The following MGST1 variants were observed in gnomAD, a reference collection of about 807,000 sequenced individuals.
MGST1 encodes microsomal glutathione S-transferase 1.
A neutral mutation model predicts 8.9 loss-of-function variants in MGST1; 5 were observed. The ratio of observed to expected loss-of-function variants is 0.56; its 90% CI spans 0.29 to 1.19. MGST1 has a LOEUF of 1.19. MGST1 is among the 50% of genes most tolerant of loss of function. The probability of loss-of-function intolerance (pLI) is 0.08; values close to 1 mark genes in which losing one functional copy is unlikely to be tolerated. For synonymous variants in MGST1, 54 were observed against 67.8 expected (o/e 0.80, Z 1.00); for missense variants, 182 against 187.4 (o/e 0.97, Z 0.17).
rs1008368700 is a variant in MGST1, at chr12:16,424,774, C to T, written n.779-12614C>T. Among the ~76,000 whole-genome samples, 5 of 152,162 alleles carry T rather than the reference C, an allele frequency of 3.3e-5. No homozygotes were observed. In the East Asian group the frequency reaches 5.8e-4, roughly 18 times the overall value. On this transcript the variant is annotated intron_variant and non_coding_transcript_variant, in intron 1 of 1. Transcript: ENST00000359720. The stretch of plus-strand genomic sequence containing the variant: ...CATTTAAACTGTCACCTTGTCATTT[C>T]CCCACCATCATTAAAATGAGAGTCA...
At chr12:16,532,271 A>C (rs1487305465) in intron 4 of MGST1, among the ~76,000 whole-genome samples, 2 of 152,000 alleles carry the variant, frequency 1.3e-5, no homozygotes, top group East Asian at 3.9e-4. Context: ...GGCCACTATA[A>C]TCTTATTCTT....
At chr12:16,388,238 A>G (rs1431257068) in intron 1 of MGST1, among the ~76,000 whole-genome samples, 1 of 152,034 alleles carries the variant, frequency 6.6e-6, no homozygotes, top group Non-Finnish European at 1.5e-5. Context: ...GTATTTGTGT[A>G]CCTAAACATA....
At chr12:16,541,584 A>G (rs1941793772) in intron 4 of MGST1, among the ~76,000 whole-genome samples, 1 of 152,164 alleles carries the variant, frequency 6.6e-6, no homozygotes, top group South Asian at 2.1e-4. Context: ...GGAAATACTA[A>G]CTTTACATTA....
intron 1 of MGST1, among the ~76,000 whole-genome samples, chr12:16,387,288 C>T (rs1227403817): frequency 6.6e-6 from 1 of 152,060 alleles, no homozygotes; most frequent in Non-Finnish European, 1.5e-5. Flanking sequence ...GATAATAATA[C>T]AGCTGGAAAA....
In MGST1 at chr12:16,576,578, C is replaced by T. The variant is rs1943002065; in HGVS notation, n.483-12950C>T. On this transcript the variant is annotated intron_variant and non_coding_transcript_variant, in intron 4 of 4. Transcript: ENST00000538857. The surrounding 1 kb of genome is among the most constrained non-coding windows in gnomAD (Gnocchi z 4.1). The stretch of plus-strand genomic sequence containing the variant: ...CTACTTCATCTTTCAGAATCTGTAT[C>T]AGTTACGTACCTGTTTGTCTCTTTC... Among the ~76,000 whole-genome samples the T allele has an allele frequency of 6.6e-6, 1 of 152,184 alleles. No homozygotes were observed. The highest frequency in any genetic ancestry group is 1.5e-5 in the Non-Finnish European group (1 of 68,036).
At chr12:16,499,970 A>G (rs1941495069) in intron 4 of MGST1, among the ~76,000 whole-genome samples, 1 of 152,200 alleles carries the variant, frequency 6.6e-6, no homozygotes, top group African/African-American at 2.4e-5. Context: ...AGGTACAATG[A>G]GATGAAAAAA....
chr12:16,370,646 T>G (rs4764267), intron 3 of MGST1, among the ~76,000 whole-genome samples: 100,127 of 151,976 alleles, frequency 0.66, 34,999 homozygotes, highest in East Asian at 0.96. Context: ...ACAGTTAGAG[T>G]CTGGATCCTA....
At chr12:16,365,080 A>G (rs1940160952), downstream of MGST1, among the ~76,000 whole-genome samples, 1 of 152,128 alleles carries the variant, frequency 6.6e-6, no homozygotes, top group Non-Finnish European at 1.5e-5. Flanking sequence ...AATTTGATGA[A>G]TTTAGTAAGG....
intron 4 of MGST1, among the ~76,000 whole-genome samples, chr12:16,556,324 TC>T (rs1240446017): frequency 6.6e-6 from 1 of 152,142 alleles, no homozygotes; most frequent in South Asian, 2.1e-4. Context: ...TAAATAACCC[TC>T]CTGCGGTACC....
intron 4 of MGST1, among the ~76,000 whole-genome samples, chr12:16,504,681 C>A (rs1208667625): frequency 6.6e-6 from 1 of 152,150 alleles, no homozygotes. Context: ...TTTAAAGATG[C>A]TTGGAGGACT....
chr12:16,590,690 G>T (rs1943465946), downstream of MGST1, among the ~76,000 whole-genome samples: 1 of 151,972 alleles, frequency 6.6e-6, no homozygotes, highest in African/African-American at 2.4e-5. Context: ...TGTGTTGGCA[G>T]TCCTAGCTCA....
chr12:16,501,206 A>G (rs1941504244), intron 4 of MGST1, among the ~76,000 whole-genome samples: 1 of 152,138 alleles, frequency 6.6e-6, no homozygotes, highest in African/African-American at 2.4e-5. Flanking sequence ...TGACATGTAA[A>G]TTGACTTGTT....
intron 4 of MGST1, among the ~76,000 whole-genome samples, chr12:16,455,628 G>A (rs1429165939): frequency 4.6e-5 from 7 of 151,832 alleles, no homozygotes; most frequent in Admixed American, 4.6e-4. Context: ...GCCTCATCAA[G>A]TGAAAAATAA....
chr12:16,506,122 A>G (rs926210597), intron 4 of MGST1, among the ~76,000 whole-genome samples: 2 of 152,198 alleles, frequency 1.3e-5, no homozygotes, highest in African/African-American at 4.8e-5. Flanking sequence ...CAAGCTAACA[A>G]TTTAGCCTGT....
rs1260297102 is a variant in MGST1, at chr12:16,576,050, T to G, written n.483-13478T>G. On this transcript the variant is annotated intron_variant and non_coding_transcript_variant, in intron 4 of 4. Transcript: ENST00000538857. This position sits in a 1 kb window ranked among gnomAD's most constrained non-coding sequence, Gnocchi z 4.1. ...CGCTGTGTTAAAAGGGGATCTGTCC[T>G]CTTTTGTCTCAGTAAGCTACTTCTA... is the stretch of plus-strand genomic sequence containing the variant. Among the ~76,000 whole-genome samples the G allele has an allele frequency of 6.6e-6, 1 of 152,170 alleles. No homozygotes were observed. The highest frequency in any genetic ancestry group is 6.5e-5 in the Admixed American group (1 of 15,278).
intron 4 of MGST1, among the ~76,000 whole-genome samples, chr12:16,552,798 A>G (rs954676009): frequency 4.8e-4 from 73 of 151,954 alleles, no homozygotes; most frequent in Non-Finnish European, 1.2e-4. Context: ...CTTTAAGTAT[A>G]TTTTCTTTGT....
At chr12:16,499,378 G>GT (rs1206676456) in intron 4 of MGST1, among the ~76,000 whole-genome samples, 1 of 152,052 alleles carries the variant, frequency 6.6e-6, no homozygotes, top group Non-Finnish European at 1.5e-5. Flanking sequence ...AACTTTTGAG[G>GT]TATCAGGTCT....
At chr12:16,515,099 G>T (rs2137183387) in intron 4 of MGST1, among the ~76,000 whole-genome samples, 1 of 152,258 alleles carries the variant, frequency 6.6e-6, no homozygotes, top group South Asian at 2.1e-4. Flanking sequence ...TTGGCCTCAG[G>T]TCTGTCCTCT....
chr12:16,439,715 C>T (rs891624869), downstream of MGST1, among the ~76,000 whole-genome samples: 3 of 151,848 alleles, frequency 2.0e-5, no homozygotes, highest in Non-Finnish European at 4.4e-5. Context: ...AATTTTCCAA[C>T]ATGGACCTAG....
Sources: gnomAD v4.1 joint callset for allele counts (sites outside exome capture counted in the v4.1 genomes callset) on GRCh38, gnomAD v4.1.1 for gene constraint, Gnocchi (gnomAD v3.1) non-coding constraint, MANE v1.5 for transcripts, NCBI Gene and HGNC (gene_info 2026-07-23, HGNC 2026-07-21) for gene names.